The following MED12 variants were observed in gnomAD, a reference collection of about 807,000 sequenced individuals.
MED12 encodes the protein mediator complex subunit 12.
Under a neutral mutation model 177.7 loss-of-function variants are expected in MED12, and 10 were observed. The observed-to-expected ratio is 0.06, with a 90% CI of 0.03 to 0.10. The LOEUF is 0.10. MED12 is among the 10% of genes least tolerant of loss of function. The pLI, the probability that MED12 is intolerant of heterozygous loss-of-function variation, is 1.00. For synonymous variants in MED12, 641 were observed against 678.4 expected, an observed-to-expected ratio of 0.94 and a Z score of 0.86; for missense variants, 867 against 1,780.8, an observed-to-expected ratio of 0.49 and a Z score of 9.23.
chrX:71,138,045 T>A, intron 41 of MED12, 102 bp downstream of exon 41: 1 of 812,995 alleles, frequency 1.2e-6, no homozygotes, highest in South Asian at 2.1e-5. Flanking sequence ...GTCAGAACTT[T>A]CGGAGACATC....
intron 30 of MED12, 74 bp downstream of exon 30, chrX:71,132,280 T>C: frequency 8.5e-7 from 1 of 1,175,926 alleles, no homozygotes; most frequent in Non-Finnish European, 1.2e-6. Flanking sequence ...ATCAGATGCG[T>C]GGAGATGCCA....
At chrX:71,136,700 A>G in intron 37 of MED12, 45 bp downstream of exon 37, 1 of 1,201,598 alleles carries the variant, frequency 8.3e-7, no homozygotes, top group South Asian at 1.8e-5. Flanking sequence ...CTCTCACTTC[A>G]TGACGCTCCG....
intron 2 of MED12, 75 bp from the exon 3 acceptor site, chrX:71,119,611 G>A: frequency 8.8e-7 from 1 of 1,134,799 alleles, no homozygotes; most frequent in Non-Finnish European, 1.2e-6. Context: ...TATCTCATTG[G>A]CATTTGCCCA....
rs754140287 is a variant in MED12 at position 71,132,310 on chromosome X, G to A, written c.4254-67G>A. ...ATGCCAGCATGTCCATCAGGGAAAG[G>A]AGAGGATAGATTGTTCCAGCCTTGC... On this transcript the variant is annotated intron_variant, in intron 30 of 44. Coordinates refer to ENST00000374080, the MANE Select transcript of MED12 (RefSeq NM_005120.3). The A allele has an allele frequency of 1.6e-5, 19 of 1,184,099 alleles. No homozygotes were observed. In the Admixed American group the frequency reaches 3.9e-4, roughly 25 times the overall value.
intron 33 of MED12, among the ~76,000 whole-genome samples, 182 bp downstream of exon 33, chrX:71,133,394 C>T (rs1224778870): frequency 4.7e-5 from 5 of 106,286 alleles, no homozygotes; most frequent in African/African-American, 1.0e-4. Context: ...AGTGCAGTGG[C>T]GCCATCTCAG....
intron 30 of MED12, 42 bp downstream of exon 30, chrX:71,132,248 A>T (rs748189409): frequency 1.7e-6 from 2 of 1,192,522 alleles, no homozygotes; most frequent in African/African-American, 3.5e-5. Flanking sequence ...TTAGGAGTTT[A>T]TCTGCTGGTA....
intron 39 of MED12, 70 bp from the exon 40 acceptor site, chrX:71,137,488 T>C: frequency 8.7e-7 from 1 of 1,151,925 alleles, no homozygotes; most frequent in Non-Finnish European, 1.2e-6. Flanking sequence ...ACACTCAGGG[T>C]GGGAGACACA....
At chrX:71,138,658 T>C (rs369244246) in intron 41 of MED12, among the ~76,000 whole-genome samples, 1 of 109,190 alleles carries the variant, frequency 9.2e-6, no homozygotes, top group African/African-American at 3.3e-5. Flanking sequence ...GAAGATTGCT[T>C]GAGCTTGGGA....
chrX:71,135,027 C>T (rs2092328644), intron 35 of MED12, 65 bp from the exon 36 acceptor site: 2 of 1,193,231 alleles, frequency 1.7e-6, no homozygotes, highest in Non-Finnish European at 2.3e-6. Flanking sequence ...TGTGCTGTCC[C>T]CTGAGACTTC....
At chrX:71,120,798 C>T (rs1395855725) in intron 4 of MED12, among the ~76,000 whole-genome samples, 173 bp from the exon 5 acceptor site, 2 of 110,771 alleles carry the variant, frequency 1.8e-5, no homozygotes, top group Admixed American at 9.6e-5. Context: ...TTTCTAGAGA[C>T]GGGGTTTCAC....
chrX:71,128,899 C>G, intron 24 of MED12, 181 bp downstream of exon 24: 1 of 600,799 alleles, frequency 1.7e-6, no homozygotes. Flanking sequence ...CCTGGATTTG[C>G]AGCCCTGACC....
In MED12 at chrX:71,122,205, C is replaced by T; in HGVS notation, c.1107C>T (p.Ile369=). ...VFGLSCILQT[I]LLCCPSALVW... ...TAGCTGTTTCTATCTGGTAGACCAT[C>T]CTCCTGTGCTGTCCTAGTGCCTTGG... The change falls in exon 8 of 45, where the codon ATC becomes ATT. Residue 369 remains isoleucine (I), a synonymous_variant. Transcript: ENST00000374080. The T allele has an allele frequency of 8.3e-7, 1 of 1,211,735 alleles. No individual in the cohort carries two copies. Among genetic ancestry groups the T allele is most frequent in the Non-Finnish European group, 1.1e-6 (1 of 895,400 alleles).
In MED12 at chrX:71,141,347, CCCCAGCCCCAGT is replaced by C. The variant is rs2092347427; in HGVS notation, c.6397_6408del (p.Ser2133_Gln2136del). The C allele has an allele frequency of 1.7e-6, 2 of 1,166,853 alleles. No individual in the cohort carries two copies. Among genetic ancestry groups the C allele is most frequent in the African/African-American group, 1.8e-5 (1 of 56,071 alleles). On this transcript the variant is annotated inframe_deletion, in exon 43 of 45. Coordinates refer to ENST00000374080, the MANE Select transcript of MED12 (RefSeq NM_005120.3). ...GCAGCAACAGGCGGCTCCTCCCCAA[CCCCAGCCCCAGT>C]CCCAGCCCCAGGTAGCTGCTGGACT...
chrX:71,140,996 G>A (rs949200640), intron 42 of MED12, 139 bp downstream of exon 42: 2 of 1,132,414 alleles, frequency 1.8e-6, no homozygotes, highest in African/African-American at 3.6e-5. Flanking sequence ...AGTGGTGCTG[G>A]AGAAGTTTTC....
In MED12 at chrX:71,132,413, C is replaced by T. The variant is rs2147814427; in HGVS notation, c.4290C>T (p.Pro1430=). 6.6e-6 allele frequency: 8 copies of T among 1,211,175 alleles called. No individual in the cohort carries two copies. Among genetic ancestry groups the T allele is most frequent in the Non-Finnish European group, 3.4e-6 (3 of 895,290 alleles). ...GCTCTGGTGTATGGCTGGTGGCCCCCCTCATTGCTAAACTGCCCACCTCAG... is the reference window on the plus strand; with the variant it reads ...GCTCTGGTGTATGGCTGGTGGCCCCTCTCATTGCTAAACTGCCCACCTCAG... ...LERSGVWLVA[P]LIAKLPTSVQ... The change falls in exon 31 of 45, where the codon CCC becomes CCT. Residue 1430 remains proline (P), a synonymous_variant. Transcript: ENST00000374080.
Position 71,137,744 on chromosome X carries a change from T to C in MED12, c.5845T>C (p.Ser1949Pro). 1 of 1,210,950 alleles carries C rather than the reference T, an allele frequency of 8.3e-7. No homozygotes were observed. Among genetic ancestry groups the C allele is most frequent in the Middle Eastern group, 2.3e-4 (1 of 4,355 alleles). ...QTSQGYTPYV[S>P]HVGLQQHTGP... ...CCTCCAGGGCTATACTCCTTATGTTTCTCATGTGGGATTGCAGCAACACAC... is the reference window on the plus strand; with the variant it reads ...CCTCCAGGGCTATACTCCTTATGTTCCTCATGTGGGATTGCAGCAACACAC... Residue 1949 changes from serine (S) to proline (P), a missense_variant, in exon 41 of 45, where the codon TCT becomes CCT. Coordinates refer to ENST00000374080, the MANE Select transcript of MED12 (RefSeq NM_005120.3).
intron 37 of MED12, 55 bp downstream of exon 37, chrX:71,136,710 G>T (rs2092333506): frequency 3.3e-6 from 4 of 1,198,077 alleles, no homozygotes; most frequent in African/African-American, 3.5e-5. Context: ...ATGACGCTCC[G>T]GTTTCTGGTT....
Position 71,119,490 on chromosome X carries a change from T to G in MED12, c.204+13T>G, listed in dbSNP as rs901178143. ...CAATCCTGCCAAGGTGAGACAACTC[T>G]GCCAGGCTGAAGGAAAAGGCTGGAA... is the stretch of plus-strand genomic sequence containing the variant. On this transcript the variant is annotated intron_variant, in intron 2 of 44. Coordinates refer to ENST00000374080, the MANE Select transcript of MED12 (RefSeq NM_005120.3). 4 of 1,166,611 alleles carry G rather than the reference T, an allele frequency of 3.4e-6. No individual in the cohort carries two copies. Among genetic ancestry groups the G allele is most frequent in the Non-Finnish European group, 4.6e-6 (4 of 864,815 alleles).
chrX:71,132,757 CCTCTT>C (rs1238915357), intron 31 of MED12, 83 bp from the exon 32 acceptor site: 2 of 729,130 alleles, frequency 2.7e-6, no homozygotes, highest in Non-Finnish European at 3.9e-6. Context: ...TTTCTCCTCT[CCTCTT>C]CTCTCCTCTT....
Sources: allele counts gnomAD v4.1 joint callset (sites outside exome capture counted in the v4.1 genomes callset), GRCh38; gene constraint gnomAD v4.1.1; transcripts MANE v1.5; gene names NCBI Gene and HGNC (gene_info 2026-07-23, HGNC 2026-07-21).